The following DHDH variants were observed in gnomAD, a reference collection of about 807,000 sequenced individuals.
The protein encoded by DHDH is dihydrodiol dehydrogenase.
A neutral mutation model predicts 33.2 loss-of-function variants in DHDH; 29 were observed. The ratio of observed to expected loss-of-function variants is 0.87; its 90% CI spans 0.65 to 1.19. The LOEUF (loss-of-function observed/expected upper bound fraction) is 1.19, where lower values mean the gene tolerates loss of function less well. DHDH is among the 50% of genes most tolerant of loss of function. The probability of loss-of-function intolerance (pLI) is 0.00; values close to 1 mark genes in which losing one functional copy is unlikely to be tolerated. For missense variants in DHDH, 431 were observed against 455.0 expected (o/e 0.95, Z 0.48); for synonymous variants, 201 against 187.9 (o/e 1.07, Z -0.57).
chr19:48,944,747 TG>T, intron 6 of DHDH, 76 bp from the exon 7 acceptor site: 1 of 1,375,768 alleles, frequency 7.3e-7, no homozygotes, highest in Non-Finnish European at 1.0e-6. Context: ...TTGTGCCACA[TG>T]GAATTCTGGG....
chr19:48,933,797 C>T lies in DHDH; in HGVS notation c.76C>T (p.Arg26Cys), dbSNP rs751415494. 6.2e-7 allele frequency: 1 copy of T among 1,610,676 alleles called. No individual in the cohort carries two copies. Among genetic ancestry groups the T allele is most frequent in the South Asian group, 1.1e-5 (1 of 91,086 alleles). ...DFTAVLQTLP[R>C]SEHQVVAVAA... is the part of the protein sequence containing the mutation. ...CACAGCCGTGCTGCAGACGCTGCCTCGCTCTGAGCACCAGGTCTGCCCGCC... is the reference window on the plus strand; with the variant it reads ...CACAGCCGTGCTGCAGACGCTGCCTTGCTCTGAGCACCAGGTCTGCCCGCC... The change falls in exon 1 of 7, where the codon CGC becomes TGC. Residue 26 changes from arginine to cysteine, a missense_variant. Arg to Cys is a radical substitution (Grantham distance 180, BLOSUM62 -3). Coordinates refer to ENST00000221403, the MANE Select transcript of DHDH (RefSeq NM_014475.4).
At chr19:48,937,555 GTAAT>G (rs1401046570) in intron 3 of DHDH, among the ~76,000 whole-genome samples, 10 of 152,046 alleles carry the variant, frequency 6.6e-5, no homozygotes, top group Non-Finnish European at 1.5e-5. Context: ...GCTCACGCCT[GTAAT>G]CCCAGCACTT....
Position 48,935,008 on chromosome 19 carries a change from G to A in DHDH, c.99G>A (p.Ala33=), listed in dbSNP as rs1490198614. ...TLPRSEHQVV[A]VAARDLSRAK... The stretch of plus-strand genomic sequence containing the variant: ...TTCTTGTGCCCCTCCAGGTGGTGGC[G>A]GTGGCGGCCCGCGATCTGAGCCGTG... The change falls in exon 2 of 7, where the codon GCG becomes GCA. Residue 33 remains alanine (A), a synonymous_variant. Transcript: ENST00000221403. 6.4e-7 allele frequency: 1 copy of A among 1,563,040 alleles called. No homozygotes were observed. Among genetic ancestry groups the A allele is most frequent in the Admixed American group, 1.9e-5 (1 of 53,068 alleles).
chr19:48,937,672 C>T (rs908741064), intron 3 of DHDH, among the ~76,000 whole-genome samples: 2 of 151,824 alleles, frequency 1.3e-5, no homozygotes, highest in Non-Finnish European at 2.9e-5. Context: ...ATTAGCCGGG[C>T]GTGGTGGCGG....
chr19:48,937,249 G>A (rs2037791082), intron 3 of DHDH, among the ~76,000 whole-genome samples: 1 of 152,132 alleles, frequency 6.6e-6, no homozygotes, highest in Non-Finnish European at 1.5e-5. Flanking sequence ...GCCTGCCCCC[G>A]GCTCCCCAGT....
At chr19:48,940,957 C>T (rs2037850385) in intron 4 of DHDH, among the ~76,000 whole-genome samples, 2 of 149,742 alleles carry the variant, frequency 1.3e-5, no homozygotes, top group Non-Finnish European at 2.9e-5. Flanking sequence ...GCTGGGATTA[C>T]AGGTGTGGCC....
rs1363778914 is a variant in DHDH, at chr19:48,936,113, G to A, written c.284G>A (p.Cys95Tyr). Residue 95 changes from cysteine to tyrosine, a missense_variant, in exon 3 of 7, where the codon TGC (cysteine) becomes TAC (tyrosine). Transcript: ENST00000221403. Reference protein sequence around the residue: ...LCLAAGKAVLCEKPTGVNAAE... With the variant: ...LCLAAGKAVLYEKPTGVNAAE... Reference sequence around the variant, plus strand: ...TTGGCGGCGGGCAAGGCCGTTCTGTGCGAGAAGCCCACGGGCGTGAACGCG... The same window carrying A: ...TTGGCGGCGGGCAAGGCCGTTCTGTACGAGAAGCCCACGGGCGTGAACGCG... The A allele has an allele frequency of 1.3e-5, 21 of 1,611,682 alleles. No homozygotes were observed. Among genetic ancestry groups the A allele is most frequent in the Non-Finnish European group, 1.8e-5 (21 of 1,179,554 alleles).
intron 3 of DHDH, among the ~76,000 whole-genome samples, chr19:48,937,147 A>G (rs958725785): frequency 8.7e-5 from 12 of 138,142 alleles, no homozygotes; most frequent in African/African-American, 3.8e-4. Flanking sequence ...AAAGTCACAC[A>G]TTCACAGACT....
chr19:48,939,081 G>T (rs533548270), intron 3 of DHDH, among the ~76,000 whole-genome samples: 3 of 152,208 alleles, frequency 2.0e-5, no homozygotes, highest in African/African-American at 7.2e-5. Flanking sequence ...GGGCAGAAGC[G>T]AGAGGGAGAG....
At chr19:48,942,589 TG>T in intron 5 of DHDH, 25 bp downstream of exon 5, 1 of 1,602,712 alleles carries the variant, frequency 6.2e-7, no homozygotes, top group Non-Finnish European at 8.5e-7. Flanking sequence ...GCCCAAGCGC[TG>T]GGGATCGTGC....
At position 48,939,592 on chromosome 19, in the gene DHDH, TG is replaced by T. The variant is rs3830420; in HGVS notation, c.517del (p.Ala173ProfsTer68). On this transcript the variant is annotated frameshift_variant, in exon 4 of 7. Transcript: ENST00000221403. LOFTEE classifies it high-confidence loss of function. ...VPRAVDRAQA[G>X]GALLDIGIYC... The stretch of plus-strand genomic sequence containing the variant: ...CCCGGGCCGTAGACCGGGCCCAGGC[TG>T]GGGGGGCCCTGCTGGACATCGGCAT... The T allele has an allele frequency of 1.9e-6, 3 of 1,613,676 alleles. No individual in the cohort carries two copies. The highest frequency in any genetic ancestry group is 2.7e-5 in the African/African-American group (2 of 74,848).
At chr19:48,937,346 G>C (rs536254233) in intron 3 of DHDH, among the ~76,000 whole-genome samples, 1 of 152,066 alleles carries the variant, frequency 6.6e-6, no homozygotes, top group Non-Finnish European at 1.5e-5. Context: ...CCCTTCCCCC[G>C]TGAGCCCTGA....
At chr19:48,937,791 G>C (rs1011216371) in intron 3 of DHDH, among the ~76,000 whole-genome samples, 2 of 142,872 alleles carry the variant, frequency 1.4e-5, no homozygotes, top group Non-Finnish European at 3.0e-5. Flanking sequence ...CAGCCTGGAC[G>C]ACAAGAGCGA....
rs369462770 is a variant in DHDH at position 48,934,953 on chromosome 19, T to A, written c.91-47T>A. On this transcript the variant is annotated intron_variant, in intron 1 of 6. Coordinates refer to ENST00000221403, the MANE Select transcript of DHDH (RefSeq NM_014475.4). ...TCCTTTGCCTCCCTTCCACCCAGTT[T>A]CCACGCCTGCCTCAGCCCCTCAAAT... The A allele has an allele frequency of 1.1e-4, 154 of 1,451,080 alleles. No homozygotes were observed. In the Middle Eastern group the frequency reaches 1.3e-3, roughly 12 times the overall value. 89.9% of individuals were successfully genotyped at this position (1,451,080 alleles called of 1,614,324 possible).
chr19:48,936,126 G>C lies in DHDH; in HGVS notation c.297G>C (p.Thr99=). Residue 99 remains threonine, a synonymous_variant, in exon 3 of 7, where the codon ACG becomes ACC. Transcript: ENST00000221403. ...AGGCCGTTCTGTGCGAGAAGCCCAC[G>C]GGCGTGAACGCGGCGGAAGTTCGCG... ...AGKAVLCEKP[T]GVNAAEVREM... The C allele has an allele frequency of 6.2e-7, 1 of 1,610,790 alleles. No individual in the cohort carries two copies. The highest frequency in any genetic ancestry group is 8.5e-7 in the Non-Finnish European group (1 of 1,179,214).
intron 3 of DHDH, among the ~76,000 whole-genome samples, chr19:48,938,866 C>T (rs1229863330): frequency 1.3e-5 from 2 of 152,130 alleles, no homozygotes; most frequent in African/African-American, 4.8e-5. Context: ...CCAGGCTGGT[C>T]TCTTGGCTAG....
Position 48,939,598 on chromosome 19 carries a change from G to T in DHDH, c.516G>T (p.Gly172=), listed in dbSNP as rs143910604. ...CCGTAGACCGGGCCCAGGCTGGGGG[G>T]GCCCTGCTGGACATCGGCATCTACT... ...PRAVDRAQAG[G]ALLDIGIYCV... The change falls in exon 4 of 7, where the codon GGG becomes GGT. Residue 172 remains glycine (G), a synonymous_variant. Transcript: ENST00000221403. The T allele has an allele frequency of 5.0e-6, 8 of 1,613,938 alleles. No individual in the cohort carries two copies. In the African/African-American group the frequency reaches 5.3e-5, roughly 11 times the overall value.
chr19:48,938,257 C>A (rs771675804), intron 3 of DHDH, among the ~76,000 whole-genome samples: 2 of 151,946 alleles, frequency 1.3e-5, no homozygotes, highest in African/African-American at 2.4e-5. Context: ...CCACCACGCC[C>A]GGCTAATTTT....
At chr19:48,935,261 C>T (rs117302812) in intron 2 of DHDH, 150 bp downstream of exon 2, 16,576 of 592,284 alleles carry the variant, frequency 0.028, 384 homozygotes, top group Admixed American at 0.074. Flanking sequence ...ATAAAACGGG[C>T]TTGGTCTGGG....
Sources: gnomAD v4.1 joint callset for allele counts (sites outside exome capture counted in the v4.1 genomes callset) on GRCh38, gnomAD v4.1.1 for gene constraint, MANE v1.5 for transcripts, NCBI Gene and HGNC (gene_info 2026-07-23, HGNC 2026-07-21) for gene names.